Variants in WWOX observed in about 807,000 individuals in gnomAD.
The protein encoded by WWOX is WW domain-containing oxidoreductase.
Under a neutral mutation model 46.2 loss-of-function variants are expected in WWOX, and 69 were observed. The ratio of observed to expected loss-of-function variants is 1.49; its 90% CI spans 1.23 to 1.82. The LOEUF (loss-of-function observed/expected upper bound fraction) is 1.82. Among genes scored for constraint, WWOX ranks in the 40% most tolerant of loss-of-function variants. WWOX has a pLI of 0.00. For missense variants in WWOX, 919 were observed against 542.6 expected (o/e 1.69, Z -6.89); for synonymous variants, 359 against 202.6 (o/e 1.77, Z -6.56).
intron 8 of WWOX, among the ~76,000 whole-genome samples, chr16:78,516,567 A>G (rs1042282413): frequency 1.2e-4 from 18 of 152,168 alleles, no homozygotes; most frequent in Non-Finnish European, 2.5e-4. Context: ...TTAAAATATC[A>G]TGCATACTTG....
chr16:78,174,407 C>A (rs973165020), intron 5 of WWOX, among the ~76,000 whole-genome samples: 8 of 152,200 alleles, frequency 5.3e-5, no homozygotes, highest in Admixed American at 4.6e-4. Context: ...GTCCCTCCCA[C>A]AACATGTGGG....
intron 8 of WWOX, among the ~76,000 whole-genome samples, chr16:78,529,895 A>G (rs1366422174): frequency 1.3e-5 from 2 of 152,242 alleles, no homozygotes; most frequent in South Asian, 2.1e-4. Flanking sequence ...AATGCTAATC[A>G]TAAAGTTTTA....
intron 8 of WWOX, among the ~76,000 whole-genome samples, chr16:79,190,791 T>C (rs537543913): frequency 1.3e-5 from 2 of 152,344 alleles, no homozygotes; most frequent in East Asian, 3.9e-4. Context: ...TATGGCTGCT[T>C]TTGCACTACA....
chr16:78,688,638 G>A (rs917792308), intron 8 of WWOX, among the ~76,000 whole-genome samples: 3 of 152,138 alleles, frequency 2.0e-5, no homozygotes, highest in South Asian at 2.1e-4. Flanking sequence ...TCCCCCAAGG[G>A]ATAATTGATA....
intron 5 of WWOX, among the ~76,000 whole-genome samples, chr16:78,332,115 G>A (rs1407512998): frequency 6.6e-6 from 1 of 152,104 alleles, no homozygotes; most frequent in Non-Finnish European, 1.5e-5. Flanking sequence ...TTAGGTTTGG[G>A]TGTCCTGTGT....
intron 8 of WWOX, among the ~76,000 whole-genome samples, chr16:78,798,912 C>G (rs911511890): frequency 6.6e-6 from 1 of 152,130 alleles, no homozygotes; most frequent in Non-Finnish European, 1.5e-5. Flanking sequence ...GTTTGAGACA[C>G]CACTTGCTGC....
intron 8 of WWOX, among the ~76,000 whole-genome samples, chr16:78,583,280 C>T (rs951035823): frequency 6.6e-6 from 1 of 152,140 alleles, no homozygotes; most frequent in African/African-American, 2.4e-5. Flanking sequence ...TCTCTTGGCC[C>T]TCCTTAGAGT....
At chr16:78,590,668 A>C (rs542319765) in intron 8 of WWOX, among the ~76,000 whole-genome samples, 2 of 152,310 alleles carry the variant, frequency 1.3e-5, no homozygotes, top group East Asian at 3.9e-4. Context: ...TAGAAATTTA[A>C]AGCCTTTGGA....
chr16:78,751,473 A>G (rs1031320773), intron 8 of WWOX, among the ~76,000 whole-genome samples: 12 of 144,602 alleles, frequency 8.3e-5, no homozygotes, highest in Middle Eastern at 3.7e-3. Flanking sequence ...ATATATATAT[A>G]TATATATATA....
At chr16:78,920,292 T>C (rs2045349292) in intron 8 of WWOX, among the ~76,000 whole-genome samples, 1 of 152,200 alleles carries the variant, frequency 6.6e-6, no homozygotes, top group South Asian at 2.1e-4. Flanking sequence ...CTGGTCACTC[T>C]GGGGCAGGGA....
chr16:78,681,018 G>T (rs1179201653), intron 8 of WWOX, among the ~76,000 whole-genome samples: 2 of 152,342 alleles, frequency 1.3e-5, no homozygotes, highest in African/African-American at 2.4e-5. Context: ...GGAGGCCGAG[G>T]TGGGCGCATT....
intron 8 of WWOX, among the ~76,000 whole-genome samples, chr16:78,803,434 T>A (rs2050947835): frequency 6.6e-6 from 1 of 152,104 alleles, no homozygotes; most frequent in Admixed American, 6.6e-5. Context: ...AAGTATTACG[T>A]GGGTTTCAAA....
At chr16:79,131,945 A>G (rs2049886586) in intron 8 of WWOX, among the ~76,000 whole-genome samples, 1 of 152,168 alleles carries the variant, frequency 6.6e-6, no homozygotes, top group Admixed American at 6.5e-5. Context: ...TTTTAAAACC[A>G]TCAGATCTCA....
intron 8 of WWOX, among the ~76,000 whole-genome samples, chr16:78,869,753 A>G (rs1007893142): frequency 3.9e-5 from 6 of 152,230 alleles, no homozygotes; most frequent in African/African-American, 9.6e-5. Flanking sequence ...CTAAACAACA[A>G]TAAGTCTTGC....
At chr16:78,180,220 G>A (rs573500359) in intron 5 of WWOX, among the ~76,000 whole-genome samples, 21 of 152,232 alleles carry the variant, frequency 1.4e-4, no homozygotes, top group African/African-American at 4.3e-4. Context: ...AACTTGCCTG[G>A]TCATTCTGGA....
intron 8 of WWOX, among the ~76,000 whole-genome samples, chr16:79,171,035 C>T (rs971283445): frequency 6.6e-6 from 1 of 152,168 alleles, no homozygotes; most frequent in Non-Finnish European, 1.5e-5. Flanking sequence ...GATTAGTCAG[C>T]CTAGAGAAGT....
At chr16:78,438,398 T>G (rs573793813) in intron 8 of WWOX, among the ~76,000 whole-genome samples, 7 of 152,116 alleles carry the variant, frequency 4.6e-5, no homozygotes, top group Non-Finnish European at 8.8e-5. Context: ...TTATGCTTCC[T>G]TTTTAAAATG....
At chr16:78,923,287 C>G (rs1342430990) in intron 8 of WWOX, among the ~76,000 whole-genome samples, 3 of 152,062 alleles carry the variant, frequency 2.0e-5, no homozygotes, top group South Asian at 2.1e-4. Flanking sequence ...GGCCATCTTT[C>G]TTTTTCTTCC....
intron 5 of WWOX, among the ~76,000 whole-genome samples, chr16:78,287,152 C>T (rs144173789): frequency 2.8e-4 from 43 of 152,328 alleles, no homozygotes; most frequent in African/African-American, 4.6e-4. Context: ...TGGCAATCAA[C>T]GCCATAAGGA....
Sources: allele counts gnomAD v4.1 joint callset (sites outside exome capture counted in the v4.1 genomes callset), GRCh38; gene constraint gnomAD v4.1.1; transcripts MANE v1.5; gene names NCBI Gene and HGNC (gene_info 2026-07-23, HGNC 2026-07-21).